Variants in BNIP3L observed in about 807,000 individuals in gnomAD.
BNIP3L encodes the protein BCL2 interacting protein 3 like, also known as BCL2/adenovirus E1B 19 kDa protein-interacting protein 3-like.
Under a neutral mutation model 25.5 loss-of-function variants are expected in BNIP3L, and 10 were observed. That is an observed-to-expected ratio of 0.39 (90% CI 0.24 to 0.67). The LOEUF (loss-of-function observed/expected upper bound fraction) is 0.67, where lower values mean the gene tolerates loss of function less well. BNIP3L is among the 30% of genes least tolerant of loss of function. The pLI, the probability that BNIP3L is intolerant of heterozygous loss-of-function variation, is 0.45. For synonymous variants in BNIP3L, 113 were observed against 101.2 expected, an observed-to-expected ratio of 1.12 and a Z score of -0.70; for missense variants, 215 against 270.9, an observed-to-expected ratio of 0.79 and a Z score of 1.45.
At chr8:26,384,921 G>A (rs1273188112) in intron 1 of BNIP3L, among the ~76,000 whole-genome samples, 3 of 151,716 alleles carry the variant, frequency 2.0e-5, no homozygotes, top group African/African-American at 4.8e-5. Flanking sequence ...ACAGGCGCCC[G>A]ACACCAAGCT....
rs1395651055 is a variant in BNIP3L at position 26,383,074 on chromosome 8, CTGCCTGAG to C, written c.-52_-45del. ...GCGGCGGACTCGGCTTGTTGTGTTGCTGCCTGAGTGCCGGAGACGGTCCTGCTGCTGCC... is the reference window on the plus strand; with the variant it reads ...GCGGCGGACTCGGCTTGTTGTGTTGCTGCCGGAGACGGTCCTGCTGCTGCC... On this transcript the variant is annotated 5_prime_UTR_variant, in exon 1 of 6. Coordinates refer to ENST00000380629, the MANE Select transcript of BNIP3L (RefSeq NM_004331.3). 1.4e-6 allele frequency: 2 copies of C among 1,470,512 alleles called. No individual in the cohort carries two copies. Among genetic ancestry groups the C allele is most frequent in the Admixed American group, 3.9e-5 (2 of 50,808 alleles). 91.1% of individuals were successfully genotyped at this position (1,470,512 alleles called of 1,614,324 possible). A position where few individuals can be genotyped will look rare whatever the true frequency, so the allele number is the denominator to read the frequency against.
In BNIP3L at chr8:26,408,231, T is replaced by A; in HGVS notation, c.466T>A (p.Phe156Ile). The change falls in exon 5 of 6, where the codon TTC becomes ATC. Residue 156 changes from phenylalanine to isoleucine, a missense_variant. Physicochemically the swap from Phe to Ile is conservative, Grantham distance 21. This residue lies in a region of BNIP3L where 63 missense variants were observed against 98.8 expected (regional missense o/e 0.64). Transcript: ENST00000380629. The stretch of plus-strand genomic sequence containing the variant: ...GCCTCTGAATTTCTTTCTCAGGGAG[T>A]TCCACTTCAGACACCCTAAACGTTC... The part of the protein sequence containing the change: ...SRPENIPPKE[F>I]HFRHPKRSVS... 1 of 1,613,376 alleles carries A rather than the reference T, an allele frequency of 6.2e-7. No homozygotes were observed. The highest frequency in any genetic ancestry group is 8.5e-7 in the Non-Finnish European group (1 of 1,179,474).
Position 26,391,385 on chromosome 8 carries a change from A to G in BNIP3L, c.243A>G (p.Glu81=). The G allele has an allele frequency of 6.2e-7, 1 of 1,605,226 alleles. No individual in the cohort carries two copies. The highest frequency in any genetic ancestry group is 8.5e-7 in the Non-Finnish European group (1 of 1,175,940). ...AGATTCTTTTGGATGCACAACATGA[A>G]TCAGGACAGAGTAGTTCCAGAGGCA... ...MEKILLDAQH[E]SGQSSSRGSS... is the part of the protein sequence containing the mutation. The change falls in exon 2 of 6, where the codon GAA becomes GAG. Residue 81 remains glutamate, a synonymous_variant. Transcript: ENST00000380629.
At chr8:26,407,820 A>G (rs1388470155) in intron 3 of BNIP3L, among the ~76,000 whole-genome samples, 180 bp from the exon 4 acceptor site, 1 of 152,200 alleles carries the variant, frequency 6.6e-6, no homozygotes, top group Non-Finnish European at 1.5e-5. Context: ...TGTTCTGAAG[A>G]TATTACATAC....
At chr8:26,386,176 T>G (rs1805986955) in intron 1 of BNIP3L, among the ~76,000 whole-genome samples, 2 of 152,228 alleles carry the variant, frequency 1.3e-5, no homozygotes, top group Non-Finnish European at 2.9e-5. Context: ...TTTTGTGATT[T>G]TTTTTTAACT....
At chr8:26,406,633 C>T (rs180894486) in intron 3 of BNIP3L, among the ~76,000 whole-genome samples, 55 of 152,166 alleles carry the variant, frequency 3.6e-4, no homozygotes, top group African/African-American at 1.2e-3. Context: ...CCAGGCTGGG[C>T]AACATAGTGA....
chr8:26,394,388 C>A (rs943071279), intron 2 of BNIP3L, among the ~76,000 whole-genome samples: 2 of 151,988 alleles, frequency 1.3e-5, no homozygotes, highest in Non-Finnish European at 2.9e-5. Flanking sequence ...AGTTTTTGGT[C>A]ATTACATACC....
chr8:26,412,753 C>T lies in BNIP3L; in HGVS notation c.*2341C>T, dbSNP rs1334919530. ...AATTGTGAGGTTAATGTTTAAAAAG[C>T]TTTACACCTGTTTACAATTTGGGGA... On this transcript the variant is annotated 3_prime_UTR_variant, in exon 6 of 6. Transcript: ENST00000380629. The T allele has an allele frequency of 6.6e-6, 1 of 152,592 alleles. No homozygotes were observed. The highest frequency in any genetic ancestry group is 2.4e-5 in the African/African-American group (1 of 41,438). 9.5% of individuals were successfully genotyped at this position (152,592 alleles called of 1,614,324 possible). A position where few individuals can be genotyped will look rare whatever the true frequency, so the allele number is the denominator to read the frequency against.
intron 1 of BNIP3L, among the ~76,000 whole-genome samples, chr8:26,390,846 G>T (rs534968688): frequency 2.6e-5 from 4 of 152,292 alleles, no homozygotes; most frequent in African/African-American, 7.2e-5. Context: ...AGCAGCTTAG[G>T]TAGACTATGA....
chr8:26,389,295 C>CT (rs1806056773), intron 1 of BNIP3L, among the ~76,000 whole-genome samples: 1 of 152,096 alleles, frequency 6.6e-6, no homozygotes, highest in Non-Finnish European at 1.5e-5. Context: ...TACATATTCT[C>CT]TCCCCCACCC....
chr8:26,390,246 A>G (rs1806073958), intron 1 of BNIP3L: 1 of 678,310 alleles, frequency 1.5e-6, no homozygotes, highest in Non-Finnish European at 1.8e-6. Flanking sequence ...GAGCCACTGT[A>G]CCTGGCCTCA....
intron 3 of BNIP3L, among the ~76,000 whole-genome samples, chr8:26,400,581 A>C (rs1246836329): frequency 7.0e-6 from 1 of 142,482 alleles, no homozygotes; most frequent in Admixed American, 7.2e-5. Context: ...TAATTAAACT[A>C]AAGAGCTTCT....
At chr8:26,391,479 C>A in intron 2 of BNIP3L, 53 bp downstream of exon 2, 1 of 1,397,076 alleles carries the variant, frequency 7.2e-7, no homozygotes, top group Non-Finnish European at 9.5e-7. Flanking sequence ...GGTTACAGGG[C>A]TCATTCACTC....
chr8:26,392,888 AACAGTCACCTGCTT>A (rs3840705), intron 2 of BNIP3L, among the ~76,000 whole-genome samples: 36,030 of 151,958 alleles, frequency 0.24, 5,160 homozygotes, highest in Non-Finnish European at 0.32. Context: ...ATGAGCAGAG[AACAGTCACCTGCTT>A]ACCTGTCTGT....
At position 26,383,150 on chromosome 8, in the gene BNIP3L, A is replaced by G; in HGVS notation, c.20A>G (p.Glu7Gly). The G allele has an allele frequency of 6.2e-7, 1 of 1,611,198 alleles. No homozygotes were observed. Among genetic ancestry groups the G allele is most frequent in the East Asian group, 2.2e-5 (1 of 44,808 alleles). The change falls in exon 1 of 6, where the codon GAG (glutamate) becomes GGG (glycine). Residue 7 changes from glutamate (E) to glycine (G), a missense_variant. By Grantham distance (98) the Glu-to-Gly change is moderately conservative. Transcript: ENST00000380629. The part of the protein sequence containing the change: MSSHLV[E>G]PPPPLHNNNN... ...CCGACAATGTCGTCCCACCTAGTCGAGCCGCCGCCGCCCCTGCACAACAAC... is the reference window on the plus strand; with the variant it reads ...CCGACAATGTCGTCCCACCTAGTCGGGCCGCCGCCGCCCCTGCACAACAAC...
At chr8:26,388,057 C>G (rs950253280) in intron 1 of BNIP3L, among the ~76,000 whole-genome samples, 3 of 152,122 alleles carry the variant, frequency 2.0e-5, no homozygotes, top group Non-Finnish European at 4.4e-5. Context: ...AAAACAAAAG[C>G]AAAAACAGAC....
chr8:26,400,662 C>T (rs1414263303), intron 3 of BNIP3L, among the ~76,000 whole-genome samples: 2 of 118,832 alleles, frequency 1.7e-5, no homozygotes, highest in African/African-American at 6.4e-5. Context: ...TCGCAACCTA[C>T]TCATCTGACA....
intron 5 of BNIP3L, among the ~76,000 whole-genome samples, chr8:26,409,111 T>G (rs888646072): frequency 1.3e-5 from 2 of 151,976 alleles, no homozygotes; most frequent in East Asian, 3.9e-4. Flanking sequence ...AACTGGTAGG[T>G]TGATTGGTGC....
At chr8:26,391,507 C>CTAAGTGAAGAT in intron 2 of BNIP3L, 81 bp downstream of exon 2, 1 of 1,212,498 alleles carries the variant, frequency 8.2e-7, no homozygotes, top group Non-Finnish European at 1.1e-6. Flanking sequence ...AATCTGTTTG[C>CTAAGTGAAGAT]TTAAATCTTC....
Sources: allele counts gnomAD v4.1 joint callset (sites outside exome capture counted in the v4.1 genomes callset), GRCh38; gene constraint gnomAD v4.1.1; regional missense constraint gnomAD v4.1.1; transcripts MANE v1.5; gene names NCBI Gene and HGNC (gene_info 2026-07-23, HGNC 2026-07-21).